The following SLC29A3 variants were observed in gnomAD, a reference collection of about 807,000 sequenced individuals.
The protein encoded by SLC29A3 is solute carrier family 29 member 3.
SLC29A3 carries 18 observed loss-of-function variants against 25.4 expected under a neutral mutation model. That is an observed-to-expected ratio of 0.71 (90% confidence interval 0.49 to 1.05). SLC29A3 has a LOEUF of 1.05. Among genes scored for constraint, SLC29A3 ranks in the 50% least tolerant of loss-of-function variants. The pLI is 0.00. For synonymous variants in SLC29A3, 258 were observed against 267.1 expected (o/e 0.97, Z 0.33); for missense variants, 586 against 609.0 (o/e 0.96, Z 0.40).
chr10:71,322,819 G>T lies in SLC29A3; in HGVS notation c.65G>T (p.Ser22Ile). 6.2e-7 allele frequency: 1 copy of T among 1,614,188 alleles called. No homozygotes were observed. Among genetic ancestry groups the T allele is most frequent in the Non-Finnish European group, 8.5e-7 (1 of 1,180,036 alleles). Residue 22 changes from serine to isoleucine, a missense_variant, in exon 2 of 6, where the codon AGC becomes ATC. By Grantham distance (142) the Ser-to-Ile change is moderately radical (BLOSUM62 -2). Transcript: ENST00000373189. ...AACTCCACCTACAGAACCACAAGCA[G>T]CAGTCTCCGAGCTGACCAGGAGGCA... ...SSNSTYRTTS[S>I]SLRADQEALL...
chr10:71,356,211 C>G lies in SLC29A3; in HGVS notation c.741C>G (p.Leu247=). Residue 247 remains leucine (L), a synonymous_variant, in exon 5 of 6, where the codon CTC becomes CTG. Transcript: ENST00000373189. ...TCTTCCTCGTGCTCTGCATGGGACT[C>G]TACCTGCTGCTGTCCAGGCTGGAGT... ...ATVFLVLCMG[L]YLLLSRLEYA... The G allele has an allele frequency of 6.2e-7, 1 of 1,614,070 alleles. No homozygotes were observed. The highest frequency in any genetic ancestry group is 8.5e-7 in the Non-Finnish European group (1 of 1,180,010).
At chr10:71,368,097 G>A (rs1008567833), downstream of SLC29A3, among the ~76,000 whole-genome samples, 10 of 152,098 alleles carry the variant, frequency 6.6e-5, no homozygotes, top group African/African-American at 2.2e-4. Context: ...AGGCCTAGTG[G>A]TACATGCCTA....
intron 4 of SLC29A3, 121 bp from the exon 5 acceptor site, chr10:71,355,960 T>G (rs1453873392): frequency 9.0e-7 from 1 of 1,114,392 alleles, no homozygotes; most frequent in Non-Finnish European, 1.3e-6. Flanking sequence ...TGAGAGAGCT[T>G]TGGCATTTTT....
chr10:71,377,983 T>C (rs2131861442), intron 4 of SLC29A3, among the ~76,000 whole-genome samples: 1 of 151,466 alleles, frequency 6.6e-6, no homozygotes, highest in South Asian at 2.1e-4. Flanking sequence ...CTTGAGTTCT[T>C]AATGAGTCAA....
chr10:71,362,733 G>C lies in SLC29A3; in HGVS notation c.*125G>C. ...TGGGGACAGAGAGCAGAGCACACTCGGGCCTCATCCCTCCCAAGATGCCAG... is the reference window on the plus strand; with the variant it reads ...TGGGGACAGAGAGCAGAGCACACTCCGGCCTCATCCCTCCCAAGATGCCAG... On this transcript the variant is annotated 3_prime_UTR_variant, in exon 6 of 6. Coordinates refer to ENST00000373189, the MANE Select transcript of SLC29A3 (RefSeq NM_018344.6). 1.5e-6 allele frequency: 2 copies of C among 1,301,872 alleles called. No homozygotes were observed. The highest frequency in any genetic ancestry group is 2.2e-6 in the Non-Finnish European group (2 of 922,608). The allele number at this position is 1,301,872 out of a possible 1,614,324, so 80.6% of individuals were successfully genotyped here.
intron 2 of SLC29A3, among the ~76,000 whole-genome samples, chr10:71,332,227 G>C (rs144536440): frequency 8.8e-5 from 13 of 148,246 alleles, no homozygotes; most frequent in African/African-American, 3.2e-4. Flanking sequence ...TGGCTCCTGG[G>C]TTCACTCTGC....
intron 3 of SLC29A3, among the ~76,000 whole-genome samples, chr10:71,370,162 G>A (rs1315656747): frequency 6.6e-6 from 1 of 152,206 alleles, no homozygotes; most frequent in Non-Finnish European, 1.5e-5. Flanking sequence ...GATTTACAGA[G>A]CATGTGATAC....
At chr10:71,320,016 T>C (rs1385554813) in intron 1 of SLC29A3, among the ~76,000 whole-genome samples, 1 of 152,240 alleles carries the variant, frequency 6.6e-6, no homozygotes, top group African/African-American at 2.4e-5. Context: ...CTTTATTTTT[T>C]AATCCAGAAG....
intron 2 of SLC29A3, among the ~76,000 whole-genome samples, chr10:71,334,157 T>C (rs910060717): frequency 7.2e-5 from 11 of 152,222 alleles, no homozygotes; most frequent in African/African-American, 2.7e-4. Context: ...AATGAAGATA[T>C]GAGACCGTAG....
chr10:71,349,710 C>T (rs1846699627), intron 3 of SLC29A3, among the ~76,000 whole-genome samples: 1 of 152,180 alleles, frequency 6.6e-6, no homozygotes, highest in Non-Finnish European at 1.5e-5. Context: ...CGCCTCTCCC[C>T]AGCATCACCT....
exon 5 of SLC29A3, chr10:71,380,098 G>A (rs959322803): frequency 8.5e-5 from 13 of 152,202 alleles, no homozygotes; most frequent in Non-Finnish European, 1.6e-4. Flanking sequence ...TCTCATGTTT[G>A]GAGGCCCAAG....
intron 3 of SLC29A3, among the ~76,000 whole-genome samples, chr10:71,368,681 A>T (rs1025128700): frequency 6.6e-6 from 1 of 152,122 alleles, no homozygotes; most frequent in African/African-American, 2.4e-5. Flanking sequence ...TATCACTATC[A>T]TGAATGCACA....
In SLC29A3 at chr10:71,361,040, G is replaced by A. The variant is rs1282130674; in HGVS notation, c.774-914G>A. Among the ~76,000 whole-genome samples the A allele has an allele frequency of 2.6e-5, 4 of 152,236 alleles. No homozygotes were observed. The East Asian group carries it at 5.8e-4, about 22-fold the overall frequency. On this transcript the variant is annotated intron_variant, in intron 5 of 5. Coordinates refer to ENST00000373189, the MANE Select transcript of SLC29A3 (RefSeq NM_018344.6). ...ACTGTTGCAGAAAGTTTTACAATAT[G>A]TATGGCTTGACCCCACTCTTGCTTA...
chr10:71,362,212 GT>G lies in SLC29A3; in HGVS notation c.1037del (p.Phe346SerfsTer59). The G allele has an allele frequency of 6.2e-7, 1 of 1,614,122 alleles. No individual in the cohort carries two copies. Among genetic ancestry groups the G allele is most frequent in the Non-Finnish European group, 8.5e-7 (1 of 1,180,018 alleles). ...GTTCGGGCTCACTGTGGACCACCAA[GT>G]TTTTCATCCCCCTCACTACCTTCCT... is the stretch of plus-strand genomic sequence containing the variant. ...KGSGSLWTTK[F>X]FIPLTTFLLY... is the part of the protein sequence containing the mutation. On this transcript the variant is annotated frameshift_variant, in exon 6 of 6. Coordinates refer to ENST00000373189, the MANE Select transcript of SLC29A3 (RefSeq NM_018344.6). LOFTEE classifies it high-confidence loss of function.
rs1846761392 is a variant in SLC29A3 at position 71,351,627 on chromosome 10, C to T, written c.449C>T (p.Thr150Ile). 1.2e-6 allele frequency: 2 copies of T among 1,614,210 alleles called. No individual in the cohort carries two copies. Among genetic ancestry groups the T allele is most frequent in the Non-Finnish European group, 1.7e-6 (2 of 1,180,014 alleles). The part of the protein sequence containing the change: ...TVILAIFMVI[T>I]ALVKVDTSSW... ...ATCCTGGCCATCTTCATGGTGATAA[C>T]TGCACTGGTGAAGGTGGACACTTCC... Residue 150 changes from threonine to isoleucine, a missense_variant, in exon 4 of 6, where the codon ACT (threonine) becomes ATT (isoleucine). Physicochemically the swap from Thr to Ile is moderately conservative, Grantham distance 89 (BLOSUM62 -1). Transcript: ENST00000373189.
intron 2 of SLC29A3, among the ~76,000 whole-genome samples, chr10:71,333,033 C>T (rs7071738): frequency 0.043 from 6,512 of 152,298 alleles, 471 homozygotes; most frequent in African/African-American, 0.15. Context: ...CCTTAAAATC[C>T]AGAGGCGATT....
At chr10:71,333,413 T>C (rs1280931699) in intron 2 of SLC29A3, among the ~76,000 whole-genome samples, 3 of 152,274 alleles carry the variant, frequency 2.0e-5, no homozygotes, top group Admixed American at 6.5e-5. Context: ...CTGTGGTTTC[T>C]GCCCACATGC....
intron 2 of SLC29A3, among the ~76,000 whole-genome samples, chr10:71,332,429 C>T (rs957040737): frequency 6.6e-5 from 10 of 152,102 alleles, no homozygotes; most frequent in Non-Finnish European, 1.2e-4. Flanking sequence ...GGATTACAGG[C>T]GTGAACCACT....
At chr10:71,323,831 A>G (rs1056665178) in intron 2 of SLC29A3, among the ~76,000 whole-genome samples, 2 of 152,212 alleles carry the variant, frequency 1.3e-5, no homozygotes, top group African/African-American at 4.8e-5. Flanking sequence ...AAGGCTGGGC[A>G]ACGGCAGAAT....
Sources: allele counts gnomAD v4.1 joint callset (sites outside exome capture counted in the v4.1 genomes callset), GRCh38; gene constraint gnomAD v4.1.1; transcripts MANE v1.5; gene names NCBI Gene and HGNC (gene_info 2026-07-23, HGNC 2026-07-21).